Variants in SPOP observed in about 807,000 individuals in gnomAD.
SPOP encodes speckle type BTB/POZ protein, also known as speckle-type POZ protein.
A neutral mutation model predicts 45.6 loss-of-function variants in SPOP; 11 were observed. That is an observed-to-expected ratio of 0.24 (90% confidence interval 0.15 to 0.40). The LOEUF is 0.40. SPOP is among the 10% of genes least tolerant of loss of function. SPOP has a pLI of 1.00. For synonymous variants in SPOP, 166 were observed against 166.3 expected (o/e 1.00, Z 0.01); for missense variants, 152 against 465.6 (o/e 0.33, Z 6.20).
At chr17:49,665,129 G>A (rs181550498) in intron 1 of SPOP, among the ~76,000 whole-genome samples, 136 of 151,830 alleles carry the variant, frequency 9.0e-4, no homozygotes, top group African/African-American at 3.3e-3. Context: ...TTATAATAAG[G>A]TTCCCTTCCA....
At chr17:49,671,836 T>C (rs562740290) in intron 1 of SPOP, among the ~76,000 whole-genome samples, 56 of 152,102 alleles carry the variant, frequency 3.7e-4, no homozygotes, top group Non-Finnish European at 7.2e-4. Context: ...TGAAACCCCA[T>C]TTCTATTCAA....
At chr17:49,657,802 A>G (rs1180905352) in intron 1 of SPOP, among the ~76,000 whole-genome samples, 3 of 150,776 alleles carry the variant, frequency 2.0e-5, no homozygotes, top group African/African-American at 7.3e-5. Context: ...CCCGGGTTCA[A>G]GCGATTCTCC....
At chr17:49,621,120 T>C (rs1245013056) in intron 3 of SPOP, among the ~76,000 whole-genome samples, 1 of 152,220 alleles carries the variant, frequency 6.6e-6, no homozygotes. Flanking sequence ...AGATGACACA[T>C]AGTCTGAATG....
chr17:49,659,672 C>A (rs2072961272), intron 1 of SPOP, among the ~76,000 whole-genome samples: 1 of 152,162 alleles, frequency 6.6e-6, no homozygotes, highest in Admixed American at 6.5e-5. Flanking sequence ...CATCAACAAG[C>A]GGATGATATA....
intron 8 of SPOP, 140 bp from the exon 9 acceptor site, chr17:49,602,147 C>A: frequency 1.1e-6 from 1 of 898,964 alleles, no homozygotes; most frequent in South Asian, 2.3e-5. Context: ...GCTACTACTG[C>A]AATGATAAAA....
chr17:49,677,496 C>A (rs569613346), intron 1 of SPOP, among the ~76,000 whole-genome samples: 1 of 152,354 alleles, frequency 6.6e-6, no homozygotes, highest in South Asian at 2.1e-4. Flanking sequence ...TAGCCCACAG[C>A]CTGGGAAGAA....
intron 1 of SPOP, among the ~76,000 whole-genome samples, chr17:49,638,198 G>A (rs1209155363): frequency 6.6e-6 from 1 of 152,226 alleles, no homozygotes; most frequent in African/African-American, 2.4e-5. Flanking sequence ...AAGTAGCAAT[G>A]CTTCTAGGAG....
chr17:49,622,136 G>T (rs2143296417), intron 2 of SPOP, 69 bp from the exon 3 acceptor site: 1 of 1,566,814 alleles, frequency 6.4e-7, no homozygotes, highest in Non-Finnish European at 8.7e-7. Context: ...ATGAAGGGCA[G>T]ATTATCATTT....
chr17:49,607,131 T>C, intron 8 of SPOP, 119 bp downstream of exon 8: 1 of 1,326,792 alleles, frequency 7.5e-7, no homozygotes, highest in Non-Finnish European at 1.1e-6. Context: ...ACCAGGACCG[T>C]CTTGGCCAAA....
At position 49,622,032 on chromosome 17, in the gene SPOP, G is replaced by A. The variant is rs1436918312; in HGVS notation, c.114C>T (p.Ile38=). 6.2e-7 allele frequency: 1 copy of A among 1,613,914 alleles called. No homozygotes were observed. Residue 38 remains isoleucine (I), a synonymous_variant, in exon 3 of 10, where the codon ATC becomes ATT. Transcript: ENST00000504102. ...CCTCCCGGCAAAAGCTAAAGTTATT[G>A]ATGGTCCACATGTAGGAGAATTTCA... ...KVVKFSYMWT[I]NNFSFCREEM...
At chr17:49,627,645 A>T (rs1397273349) in intron 1 of SPOP, among the ~76,000 whole-genome samples, 2 of 152,198 alleles carry the variant, frequency 1.3e-5, no homozygotes, top group African/African-American at 4.8e-5. Context: ...TGAATTATCT[A>T]AGCCCAGGAA....
intron 1 of SPOP, among the ~76,000 whole-genome samples, chr17:49,648,339 T>C (rs958495861): frequency 6.6e-6 from 1 of 152,230 alleles, no homozygotes; most frequent in African/African-American, 2.4e-5. Flanking sequence ...TGGCCCATTA[T>C]ACCAAATTCA....
chr17:49,668,091 G>A (rs1046184247), intron 1 of SPOP: 4 of 152,126 alleles, frequency 2.6e-5, no homozygotes, highest in African/African-American at 4.8e-5. Context: ...GGGGGTGGGA[G>A]GAAACAAGAA....
intron 1 of SPOP, among the ~76,000 whole-genome samples, chr17:49,643,243 A>G (rs2072692093): frequency 6.6e-6 from 1 of 152,232 alleles, no homozygotes; most frequent in Non-Finnish European, 1.5e-5. Context: ...AACAGTTTTC[A>G]TTTGTAACAC....
At chr17:49,669,949 T>C (rs920895317) in intron 1 of SPOP, among the ~76,000 whole-genome samples, 1 of 152,050 alleles carries the variant, frequency 6.6e-6, no homozygotes, top group Non-Finnish European at 1.5e-5. Flanking sequence ...TAAATAGATA[T>C]ATAGATGGGG....
chr17:49,614,802 AGTGTGTGTGTGT>A (rs60134980), intron 5 of SPOP, among the ~76,000 whole-genome samples: 41 of 147,020 alleles, frequency 2.8e-4, no homozygotes, highest in South Asian at 8.8e-4. Flanking sequence ...CATGCTATGA[AGTGTGTGTGTGT>A]GTGTGTGTGT....
intron 8 of SPOP, among the ~76,000 whole-genome samples, chr17:49,605,714 G>A (rs2071828211): frequency 1.4e-5 from 2 of 140,290 alleles, no homozygotes; most frequent in African/African-American, 2.7e-5. Flanking sequence ...TAGACCAGGT[G>A]CAGTGGCTCA....
intron 1 of SPOP, among the ~76,000 whole-genome samples, chr17:49,648,674 C>G (rs1051201953): frequency 6.6e-6 from 1 of 152,190 alleles, no homozygotes; most frequent in Admixed American, 6.5e-5. Flanking sequence ...AAAGAATGCC[C>G]ATTTCTACGT....
chr17:49,622,257 T>G (rs1224302977), intron 2 of SPOP, 190 bp from the exon 3 acceptor site: 1 of 726,780 alleles, frequency 1.4e-6, no homozygotes, highest in Admixed American at 2.1e-5. Context: ...CAATAGCTTT[T>G]ATAACTTTTT....
Sources: allele counts gnomAD v4.1 joint callset (sites outside exome capture counted in the v4.1 genomes callset), GRCh38; gene constraint gnomAD v4.1.1; transcripts MANE v1.5; gene names NCBI Gene and HGNC (gene_info 2026-07-23, HGNC 2026-07-21).